The following KCNH5 variants were observed in gnomAD, a reference collection of about 807,000 sequenced individuals.
KCNH5 encodes the protein voltage-gated delayed rectifier potassium channel KCNH5.
Under a neutral mutation model 96.1 loss-of-function variants are expected in KCNH5, and 46 were observed. The observed-to-expected ratio is 0.48, with a 90% CI of 0.38 to 0.61. KCNH5 has a LOEUF of 0.61. Ranked by LOEUF, KCNH5 falls within the 20% of genes least tolerant of loss-of-function variation. KCNH5 has a pLI of 0.00. For synonymous variants in KCNH5, 439 were observed against 449.8 expected, an observed-to-expected ratio of 0.98 and a Z score of 0.30; for missense variants, 907 against 1,225.8, an observed-to-expected ratio of 0.74 and a Z score of 3.88.
chr14:62,854,160 CT>C (rs1330600438), intron 7 of KCNH5, among the ~76,000 whole-genome samples: 1 of 151,952 alleles, frequency 6.6e-6, no homozygotes, highest in African/African-American at 2.4e-5. Flanking sequence ...ACTTACATTA[CT>C]TATTTATTTA....
At chr14:63,015,295 G>A (rs1307324503) in intron 2 of KCNH5, among the ~76,000 whole-genome samples, 7 of 151,956 alleles carry the variant, frequency 4.6e-5, no homozygotes, top group Admixed American at 6.6e-5. Context: ...AGGTTTAAGC[G>A]GGGTAGGAAT....
intron 7 of KCNH5, among the ~76,000 whole-genome samples, chr14:62,937,979 C>G (rs923448145): frequency 2.6e-5 from 4 of 152,130 alleles, no homozygotes; most frequent in Non-Finnish European, 5.9e-5. Context: ...ACAGCCCAGT[C>G]TAAGAAAAGT....
At position 62,868,773 on chromosome 14, in the gene KCNH5, G is replaced by A. The variant is rs149899074; in HGVS notation, c.1370-18921C>T. Reference sequence around the variant, plus strand: ...CATTGTTCAACTCCTACTTAAGAGCGAGAACATGCAGTGTTTGGTTTTCTG... The same window carrying A: ...CATTGTTCAACTCCTACTTAAGAGCAAGAACATGCAGTGTTTGGTTTTCTG... On this transcript the variant is annotated intron_variant, in intron 7 of 10. Transcript: ENST00000322893. 1.7e-3 allele frequency among the ~76,000 whole-genome samples: 265 copies of A among 152,202 alleles called. 1 individual carries two copies. Among genetic ancestry groups the A allele is most frequent in the African/African-American group, 6.0e-3 (248 of 41,510 alleles).
intron 7 of KCNH5, among the ~76,000 whole-genome samples, chr14:62,928,725 T>C (rs970354095): frequency 6.6e-5 from 10 of 151,992 alleles, no homozygotes; most frequent in Non-Finnish European, 1.3e-4. Context: ...TGCTCACTCA[T>C]CCCTCCTTGA....
chr14:62,931,847 T>C (rs948196461), intron 7 of KCNH5, among the ~76,000 whole-genome samples: 2 of 152,134 alleles, frequency 1.3e-5, no homozygotes, highest in East Asian at 1.9e-4. Context: ...AGAGGATCCC[T>C]GCAATGAAGG....
At chr14:62,816,262 T>G (rs949974138) in intron 8 of KCNH5, among the ~76,000 whole-genome samples, 1 of 151,950 alleles carries the variant, frequency 6.6e-6, no homozygotes, top group Non-Finnish European at 1.5e-5. Flanking sequence ...CTTACATAGG[T>G]TATAGATTTA....
intron 7 of KCNH5, among the ~76,000 whole-genome samples, chr14:62,914,897 G>A (rs942276923): frequency 6.6e-6 from 1 of 152,220 alleles, no homozygotes; most frequent in African/African-American, 2.4e-5. Context: ...GGCTGGAAGC[G>A]ATTTCTCAAA....
intron 5 of KCNH5, among the ~76,000 whole-genome samples, chr14:62,983,377 CA>C (rs531608089): frequency 2.6e-3 from 257 of 99,172 alleles, no homozygotes; most frequent in Middle Eastern, 0.013. Context: ...GACTCAGTCT[CA>C]AAAAAAAAAA....
intron 4 of KCNH5, among the ~76,000 whole-genome samples, chr14:62,999,746 G>A (rs1374102846): frequency 1.4e-5 from 2 of 147,520 alleles, no homozygotes; most frequent in African/African-American, 2.5e-5. Context: ...ATAGCATTAG[G>A]AGATATACCT....
chr14:62,828,897 T>C (rs141977032), intron 8 of KCNH5, among the ~76,000 whole-genome samples: 1 of 152,104 alleles, frequency 6.6e-6, no homozygotes, highest in African/African-American at 2.4e-5. Context: ...CTTCTGCCTA[T>C]GAGCCTGTAA....
chr14:62,917,848 A>G (rs974690258), intron 7 of KCNH5, among the ~76,000 whole-genome samples: 1 of 152,206 alleles, frequency 6.6e-6, no homozygotes, highest in African/African-American at 2.4e-5. Context: ...ATTTCTTTCA[A>G]AAGACTGAAC....
At chr14:63,043,048 A>C (rs909299103) in intron 1 of KCNH5, among the ~76,000 whole-genome samples, 1 of 152,210 alleles carries the variant, frequency 6.6e-6, no homozygotes, top group Admixed American at 6.5e-5. Flanking sequence ...ATGAACATGA[A>C]GTGTAAAAAA....
chr14:62,883,013 G>T (rs1018712725), intron 7 of KCNH5, among the ~76,000 whole-genome samples: 2 of 152,124 alleles, frequency 1.3e-5, no homozygotes, highest in African/African-American at 4.8e-5. Flanking sequence ...TCTACAGTTA[G>T]ATTTTAAATC....
intron 8 of KCNH5, among the ~76,000 whole-genome samples, chr14:62,817,487 G>A (rs772716340): frequency 1.5e-4 from 23 of 148,750 alleles, no homozygotes; most frequent in East Asian, 5.8e-4. Flanking sequence ...GAAAATATTC[G>A]GTTTGAGGAG....
chr14:62,713,136 T>G (rs755454705), intron 10 of KCNH5, among the ~76,000 whole-genome samples: 8 of 152,246 alleles, frequency 5.3e-5, no homozygotes, highest in Non-Finnish European at 1.0e-4. Context: ...ACAAATGTTA[T>G]GCATTAGTTC....
chr14:62,889,738 C>T (rs953028530), intron 7 of KCNH5, among the ~76,000 whole-genome samples: 2 of 152,152 alleles, frequency 1.3e-5, no homozygotes, highest in African/African-American at 4.8e-5. Flanking sequence ...CCATATTCTA[C>T]ACAATAACAA....
At chr14:62,806,661 C>G (rs572659062) in intron 8 of KCNH5, among the ~76,000 whole-genome samples, 220 of 152,158 alleles carry the variant, frequency 1.4e-3, no homozygotes, top group South Asian at 0.011. Flanking sequence ...GAGTTAGAGT[C>G]TCTCCCAAGA....
chr14:62,865,959 T>C (rs1191166093), intron 7 of KCNH5, among the ~76,000 whole-genome samples: 9 of 152,332 alleles, frequency 5.9e-5, no homozygotes, highest in East Asian at 5.8e-4. Flanking sequence ...CAATCATCAA[T>C]TGATTATCAT....
chr14:62,809,333 C>A (rs1886828873), intron 8 of KCNH5, among the ~76,000 whole-genome samples: 1 of 151,984 alleles, frequency 6.6e-6, no homozygotes, highest in Non-Finnish European at 1.5e-5. Context: ...GTTATTTTAC[C>A]AAGACTTTGA....
Sources: gnomAD v4.1 joint callset for allele counts (sites outside exome capture counted in the v4.1 genomes callset) on GRCh38, gnomAD v4.1.1 for gene constraint, MANE v1.5 for transcripts, NCBI Gene and HGNC (gene_info 2026-07-23, HGNC 2026-07-21) for gene names.